HDAC4: variants seen among roughly 807,000 people sequenced by gnomAD.
HDAC4 encodes the protein histone deacetylase 4.
A neutral mutation model predicts 135.1 loss-of-function variants in HDAC4; 16 were observed. That is an observed-to-expected ratio of 0.12 (90% CI 0.08 to 0.18). The LOEUF (loss-of-function observed/expected upper bound fraction) is 0.18, where lower values mean the gene tolerates loss of function less well. Ranked by LOEUF, HDAC4 falls within the 10% of genes least tolerant of loss-of-function variation. The pLI is 1.00. For synonymous variants in HDAC4, 685 were observed against 653.4 expected, an observed-to-expected ratio of 1.05 and a Z score of -0.74; for missense variants, 1,143 against 1,511.8, an observed-to-expected ratio of 0.76 and a Z score of 4.05.
At chr2:239,374,151 G>A (rs1694824978) in intron 1 of HDAC4, among the ~76,000 whole-genome samples, 1 of 152,220 alleles carries the variant, frequency 6.6e-6, no homozygotes, top group Admixed American at 6.5e-5. Flanking sequence ...CGATCAGGCA[G>A]CAGGGCCTGG....
At chr2:239,387,316 G>A (rs891983091) in intron 1 of HDAC4, among the ~76,000 whole-genome samples, 29 of 152,158 alleles carry the variant, frequency 1.9e-4, no homozygotes, top group South Asian at 6.2e-4. Flanking sequence ...AAGATCCCCC[G>A]GTGCACCCAG....
intron 17 of HDAC4, among the ~76,000 whole-genome samples, chr2:239,093,462 G>C (rs183329343): frequency 2.4e-3 from 362 of 152,304 alleles, no homozygotes; most frequent in Admixed American, 3.5e-3. Context: ...CTGTGCCAGC[G>C]ACAGCAGGTG....
At chr2:239,094,183 G>C in intron 17 of HDAC4, 1 of 985,464 alleles carries the variant, frequency 1.0e-6, no homozygotes, top group Non-Finnish European at 1.2e-6. Flanking sequence ...GCAGGACCAT[G>C]ATGGCCCGGA....
At chr2:239,247,461 G>A (rs760561850) in intron 2 of HDAC4, among the ~76,000 whole-genome samples, 12 of 152,180 alleles carry the variant, frequency 7.9e-5, no homozygotes, top group African/African-American at 2.4e-4. Context: ...CAGTACGTGC[G>A]GGGCGAGAGA....
At position 239,048,980 on chromosome 2, in the gene HDAC4, C is replaced by G. The variant is rs923240112; in HGVS notation, c.*4117G>C. 2 of 152,264 alleles carry G rather than the reference C, an allele frequency of 1.3e-5. No individual in the cohort carries two copies. Among genetic ancestry groups the G allele is most frequent in the African/African-American group, 2.4e-5 (1 of 41,470 alleles). 9.4% of individuals were successfully genotyped at this position (152,264 alleles called of 1,614,324 possible). ...GCCAGTGAGGGCGGGCGGCGCTCGC[C>G]TGGCCCGTGGAAGGAGATAAAAGGA... On this transcript the variant is annotated 3_prime_UTR_variant, in exon 27 of 27. Transcript: ENST00000543185.
intron 2 of HDAC4, among the ~76,000 whole-genome samples, chr2:239,264,899 C>A (rs1388227416): frequency 2.6e-5 from 4 of 152,222 alleles, no homozygotes; most frequent in Admixed American, 6.5e-5. Flanking sequence ...GGAGGTGTGG[C>A]AATGGGCTTT....
In HDAC4 at chr2:239,139,100, ATGCC is replaced by A. The variant is rs1157957554; in HGVS notation, c.978+580_978+583del. 3.3e-5 allele frequency among the ~76,000 whole-genome samples: 5 copies of A among 152,136 alleles called. No homozygotes were observed. Among genetic ancestry groups the A allele is most frequent in the African/African-American group, 1.2e-4 (5 of 41,420 alleles). On this transcript the variant is annotated intron_variant, in intron 9 of 26. Coordinates refer to ENST00000543185, the MANE Select transcript of HDAC4 (RefSeq NM_001378414.1). This position sits in a 1 kb window ranked among gnomAD's most constrained non-coding sequence, Gnocchi z 5.3. ...GGGGTGCTGAGCTCTGCGGTCTGAG[ATGCC>A]TGGTTCCCGTGATGCCTGGAAAAGT...
rs150944889 is a variant in HDAC4, at chr2:239,335,332, G to A, written c.22+17346C>T. 3.8e-4 allele frequency among the ~76,000 whole-genome samples: 57 copies of A among 150,772 alleles called. No homozygotes were observed. In the East Asian group the frequency reaches 6.6e-3, roughly 17 times the overall value. ...TGTTAGGCCAACTGAATTTCCAAAC[G>A]GAAAAGTAACTCTCAATCCCTACCT... is the stretch of plus-strand genomic sequence containing the variant. On this transcript the variant is annotated intron_variant, in intron 2 of 26. Transcript: ENST00000543185.
At chr2:239,310,403 C>A (rs1319903535) in intron 2 of HDAC4, among the ~76,000 whole-genome samples, 1 of 152,166 alleles carries the variant, frequency 6.6e-6, no homozygotes, top group Non-Finnish European at 1.5e-5. Context: ...CCCCCCCGAA[C>A]CAAGTATAGA....
Position 239,139,495 on chromosome 2 carries a change from T to G in HDAC4, c.978+189A>C, listed in dbSNP as rs1433090743. 6.6e-6 allele frequency among the ~76,000 whole-genome samples: 1 copy of G among 152,234 alleles called. No individual in the cohort carries two copies. Among genetic ancestry groups the G allele is most frequent in the Non-Finnish European group, 1.5e-5 (1 of 68,044 alleles). ...CGTGTTCATAATGAAAGGAGATGTC[T>G]GTGATGAGAGGAAGGCAGGAGAGTA... is the stretch of plus-strand genomic sequence containing the variant. On this transcript the variant is annotated intron_variant, in intron 9 of 26. Transcript: ENST00000543185. This position sits in a 1 kb window ranked among gnomAD's most constrained non-coding sequence, Gnocchi z 5.3.
chr2:239,243,395 G>T (rs532348941), intron 2 of HDAC4, among the ~76,000 whole-genome samples: 1 of 152,098 alleles, frequency 6.6e-6, no homozygotes, highest in Non-Finnish European at 1.5e-5. Flanking sequence ...CTTGTGATCC[G>T]CCTGCCTCGG....
chr2:239,332,047 T>A (rs1691620483), intron 2 of HDAC4, among the ~76,000 whole-genome samples: 1 of 152,178 alleles, frequency 6.6e-6, no homozygotes, highest in Non-Finnish European at 1.5e-5. Flanking sequence ...ATGGAATAAT[T>A]TTATGCATAA....
At chr2:239,242,923 C>G (rs2048269804) in intron 2 of HDAC4, among the ~76,000 whole-genome samples, 1 of 152,050 alleles carries the variant, frequency 6.6e-6, no homozygotes, top group Non-Finnish European at 1.5e-5. Flanking sequence ...ACGTAGTAAA[C>G]TTTTTTTTCT....
chr2:239,283,725 G>A (rs188123187), intron 2 of HDAC4, among the ~76,000 whole-genome samples: 286 of 152,320 alleles, frequency 1.9e-3, no homozygotes, highest in Non-Finnish European at 3.5e-3. Context: ...TAACAGCAGT[G>A]CCGGCCACCA....
chr2:239,133,939 C>T (rs1268741660), intron 11 of HDAC4, among the ~76,000 whole-genome samples: 1 of 152,234 alleles, frequency 6.6e-6, no homozygotes, highest in African/African-American at 2.4e-5. Flanking sequence ...CGGTTCTGGG[C>T]TTCCAGCGCT....
intron 1 of HDAC4, among the ~76,000 whole-genome samples, chr2:239,360,890 G>A (rs968587539): frequency 1.3e-5 from 2 of 152,154 alleles, no homozygotes; most frequent in South Asian, 4.1e-4. Flanking sequence ...GTAGGAAAAA[G>A]GCTCTGGGGC....
chr2:239,118,579 T>C (rs917416775), intron 12 of HDAC4, among the ~76,000 whole-genome samples: 1 of 152,114 alleles, frequency 6.6e-6, no homozygotes, highest in African/African-American at 2.4e-5. Flanking sequence ...CACAGTTTGG[T>C]GGCCCCGATA....
intron 2 of HDAC4, among the ~76,000 whole-genome samples, chr2:239,301,020 G>A (rs1311601995): frequency 6.6e-6 from 1 of 152,176 alleles, no homozygotes; most frequent in South Asian, 2.1e-4. Flanking sequence ...CCCCTCCTCC[G>A]GGCTCCAAGA....
chr2:239,231,716 C>T (rs2047576153), intron 3 of HDAC4, among the ~76,000 whole-genome samples: 2 of 26,178 alleles, frequency 7.6e-5, no homozygotes, highest in Non-Finnish European at 1.5e-4. Context: ...CTCCCCAAAG[C>T]GCCCCTGTCC....
Sources: gnomAD v4.1 joint callset for allele counts (sites outside exome capture counted in the v4.1 genomes callset) on GRCh38, gnomAD v4.1.1 for gene constraint, Gnocchi (gnomAD v3.1) non-coding constraint, MANE v1.5 for transcripts, NCBI Gene and HGNC (gene_info 2026-07-23, HGNC 2026-07-21) for gene names.